The following CNTNAP2 variants were observed in gnomAD, a reference collection of about 807,000 sequenced individuals.
CNTNAP2 encodes the protein contactin-associated protein-like 2.
In CNTNAP2, 98 loss-of-function variants were observed where a neutral mutation model predicts 155.2. That is an observed-to-expected ratio of 0.63 (90% CI 0.54 to 0.75). The LOEUF (loss-of-function observed/expected upper bound fraction) is 0.75. Among genes scored for constraint, CNTNAP2 ranks in the 30% least tolerant of loss-of-function variants. The pLI is 0.00. For synonymous variants in CNTNAP2, 651 were observed against 631.2 expected (o/e 1.03, Z -0.47); for missense variants, 1,727 against 1,688.1 (o/e 1.02, Z -0.40).
At chr7:148,401,311 C>T (rs1255384097) in intron 22 of CNTNAP2, among the ~76,000 whole-genome samples, 2 of 152,170 alleles carry the variant, frequency 1.3e-5, no homozygotes, top group Admixed American at 6.5e-5. Context: ...TAATTATCAT[C>T]CATTCTGCAT....
rs556562808 is a variant in CNTNAP2 at position 146,907,083 on chromosome 7, G to A, written c.402+67179G>A. 1.6e-4 allele frequency among the ~76,000 whole-genome samples: 25 copies of A among 151,722 alleles called. No individual in the cohort carries two copies. The East Asian group carries it at 3.7e-3, about 22-fold the overall frequency. ...GAAGATGAAATGAATGAAATGAAGCGAGAAGGGAAGTTTAGAGAAAAAAGA... is the reference window on the plus strand; with the variant it reads ...GAAGATGAAATGAATGAAATGAAGCAAGAAGGGAAGTTTAGAGAAAAAAGA... On this transcript the variant is annotated intron_variant, in intron 3 of 23. Coordinates refer to ENST00000361727, the MANE Select transcript of CNTNAP2 (RefSeq NM_014141.6).
chr7:147,248,478 G>A (rs758026071), intron 8 of CNTNAP2, among the ~76,000 whole-genome samples: 8 of 152,154 alleles, frequency 5.3e-5, no homozygotes, highest in Non-Finnish European at 2.9e-5. Flanking sequence ...ATTGTCCTGG[G>A]TTAGGGTCAG....
At chr7:146,484,495 A>G (rs1209813877) in intron 1 of CNTNAP2, among the ~76,000 whole-genome samples, 1 of 152,220 alleles carries the variant, frequency 6.6e-6, no homozygotes, top group East Asian at 1.9e-4. Context: ...TCAGATTTGC[A>G]GGATAACATA....
chr7:147,715,718 T>G lies in CNTNAP2; in HGVS notation c.2098+76412T>G, dbSNP rs1228153575. 2.6e-5 allele frequency among the ~76,000 whole-genome samples: 4 copies of G among 152,270 alleles called. No individual in the cohort carries two copies. The East Asian group carries it at 7.7e-4, about 29-fold the overall frequency. On this transcript the variant is annotated intron_variant, in intron 13 of 23. Coordinates refer to ENST00000361727, the MANE Select transcript of CNTNAP2 (RefSeq NM_014141.6). ...TTTGATGAGGTCCAATTTATCAACT[T>G]TTCTTTTAATCATCTATGATTTTTG...
chr7:147,469,532 TC>T (rs66760763), intron 10 of CNTNAP2, among the ~76,000 whole-genome samples: 796 of 78,156 alleles, frequency 0.01, 163 homozygotes, highest in African/African-American at 0.041. Context: ...TTTTTTTTTT[TC>T]TGTGAGACAA....
chr7:147,069,785 G>A (rs946818176), intron 4 of CNTNAP2, among the ~76,000 whole-genome samples: 1 of 152,166 alleles, frequency 6.6e-6, no homozygotes, highest in African/African-American at 2.4e-5. Flanking sequence ...TTCTGTGATA[G>A]AGGAAATATT....
At chr7:147,750,434 T>C (rs762871700) in intron 13 of CNTNAP2, among the ~76,000 whole-genome samples, 4 of 152,214 alleles carry the variant, frequency 2.6e-5, no homozygotes, top group Non-Finnish European at 1.5e-5. Flanking sequence ...TTCCTCTTTA[T>C]ATTTTTCTCT....
intron 8 of CNTNAP2, among the ~76,000 whole-genome samples, chr7:147,235,345 GGTGTGTGTGTGT>G (rs60072934): frequency 8.7e-4 from 123 of 140,974 alleles, no homozygotes; most frequent in Middle Eastern, 3.5e-3. Context: ...TGGAGTTTTT[GGTGTGTGTGTGT>G]GTGTGTGTGT....
intron 10 of CNTNAP2, among the ~76,000 whole-genome samples, chr7:147,406,055 C>T (rs1796999575): frequency 6.6e-6 from 1 of 152,244 alleles, no homozygotes; most frequent in African/African-American, 2.4e-5. Context: ...TTTTTAATGA[C>T]ATTTCTTTAC....
intron 2 of CNTNAP2, among the ~76,000 whole-genome samples, chr7:146,813,506 T>C (rs888525551): frequency 1.9e-4 from 29 of 152,198 alleles, no homozygotes; most frequent in African/African-American, 7.0e-4. Context: ...CCACTTGGAA[T>C]GGGTGTATTT....
intron 5 of CNTNAP2, among the ~76,000 whole-genome samples, chr7:147,111,137 AT>A (rs890650800): frequency 4.0e-5 from 6 of 151,716 alleles, no homozygotes; most frequent in Non-Finnish European, 7.4e-5. Flanking sequence ...TGATGTAGAG[AT>A]TTTTTTTCAT....
At chr7:146,400,832 G>A (rs555639926) in intron 1 of CNTNAP2, among the ~76,000 whole-genome samples, 2 of 152,308 alleles carry the variant, frequency 1.3e-5, no homozygotes, top group African/African-American at 2.4e-5. Flanking sequence ...TTGGGCACAG[G>A]CATCTGAATA....
intron 1 of CNTNAP2, among the ~76,000 whole-genome samples, chr7:146,324,299 TA>T (rs992181564): frequency 3.0e-4 from 46 of 151,896 alleles, no homozygotes; most frequent in African/African-American, 1.1e-3. Flanking sequence ...AGAAAAAGAG[TA>T]AGGCTTAACC....
At chr7:148,190,880 G>GAA (rs1177528876) in intron 18 of CNTNAP2, 1 of 139,288 alleles carries the variant, frequency 7.2e-6, no homozygotes, top group African/African-American at 2.8e-5. Flanking sequence ...GAGAGAGAGA[G>GAA]AGCAAAAAAA....
At chr7:146,775,702 T>C (rs901980309) in intron 2 of CNTNAP2, among the ~76,000 whole-genome samples, 1 of 150,660 alleles carries the variant, frequency 6.6e-6, no homozygotes, top group Non-Finnish European at 1.5e-5. Context: ...GGAGAAAAAA[T>C]ATTGTATCAG....
At chr7:147,944,596 T>TCGACGGGG in intron 14 of CNTNAP2, among the ~76,000 whole-genome samples, 1 of 152,226 alleles carries the variant, frequency 6.6e-6, no homozygotes, top group East Asian at 1.9e-4. Flanking sequence ...GCCAGTATTT[T>TCGACGGGG]TACAGTCAAC....
intron 14 of CNTNAP2, among the ~76,000 whole-genome samples, chr7:147,949,484 G>A (rs1240129405): frequency 8.6e-6 from 1 of 115,814 alleles, no homozygotes; most frequent in Non-Finnish European, 2.1e-5. Context: ...TTTATTGCAG[G>A]AACAAAATCC....
intron 1 of CNTNAP2, among the ~76,000 whole-genome samples, chr7:146,732,004 T>C (rs1801534662): frequency 6.6e-6 from 1 of 152,130 alleles, no homozygotes; most frequent in Non-Finnish European, 1.5e-5. Context: ...CTGCCCAAAT[T>C]ACACAATTAT....
At chr7:148,337,128 C>G (rs1256657986) in intron 21 of CNTNAP2, among the ~76,000 whole-genome samples, 1 of 152,168 alleles carries the variant, frequency 6.6e-6, no homozygotes, top group African/African-American at 2.4e-5. Flanking sequence ...GTGATATCAA[C>G]ACGGGGGACA....
Sources: allele counts gnomAD v4.1 joint callset (sites outside exome capture counted in the v4.1 genomes callset), GRCh38; gene constraint gnomAD v4.1.1; transcripts MANE v1.5; gene names NCBI Gene and HGNC (gene_info 2026-07-23, HGNC 2026-07-21).